CSMD1: variants seen among roughly 807,000 people sequenced by gnomAD.
CSMD1 encodes the protein CUB and sushi domain-containing protein 1.
A neutral mutation model predicts 417.5 loss-of-function variants in CSMD1; 213 were observed. The ratio of observed to expected loss-of-function variants is 0.51; its 90% CI spans 0.46 to 0.57. The LOEUF is 0.57. Ranked by LOEUF, CSMD1 falls within the 20% of genes least tolerant of loss-of-function variation. CSMD1 has a pLI of 0.00. For missense variants in CSMD1, 6,923 were observed against 4,529.7 expected (o/e 1.53, Z -15.17); for synonymous variants, 2,862 against 1,736.8 (o/e 1.65, Z -16.11).
intron 3 of CSMD1, among the ~76,000 whole-genome samples, chr8:4,417,667 C>T (rs1053155192): frequency 2.6e-5 from 4 of 151,882 alleles, no homozygotes; most frequent in Non-Finnish European, 5.9e-5. Flanking sequence ...GATCCGTGGG[C>T]AGTCTCTCCA....
chr8:4,034,561 G>T (rs945661925), intron 3 of CSMD1, among the ~76,000 whole-genome samples: 1 of 152,094 alleles, frequency 6.6e-6, no homozygotes, highest in African/African-American at 2.4e-5. Context: ...CATTTTATCA[G>T]GGCAGCCCTT....
At chr8:4,687,939 C>G (rs1806497592) in intron 1 of CSMD1, among the ~76,000 whole-genome samples, 1 of 152,296 alleles carries the variant, frequency 6.6e-6, no homozygotes, top group Admixed American at 6.5e-5. Context: ...GTTGATCTTT[C>G]ACATCCTAGA....
chr8:3,885,882 T>C (rs1432617000), intron 5 of CSMD1, among the ~76,000 whole-genome samples: 3 of 152,198 alleles, frequency 2.0e-5, no homozygotes, highest in Admixed American at 2.0e-4. Context: ...GCTAAATTTT[T>C]CTAAATAGGA....
In CSMD1 at chr8:2,987,087, G is replaced by A. The variant is rs73179600; in HGVS notation, c.8378-8287C>T. 6.9e-3 allele frequency among the ~76,000 whole-genome samples: 1,041 copies of A among 151,932 alleles called. 12 individuals are homozygous for A. Among genetic ancestry groups the A allele is most frequent in the Non-Finnish European group, 0.012 (797 of 67,916 alleles). On this transcript the variant is annotated intron_variant, in intron 54 of 69. Coordinates refer to ENST00000635120, the MANE Select transcript of CSMD1 (RefSeq NM_033225.6). Reference sequence around the variant, plus strand: ...ACAACTAATTCTTAATGGTCTCTCCGACTATATTATTTCCAGGCTTTGGAT... The same window carrying A: ...ACAACTAATTCTTAATGGTCTCTCCAACTATATTATTTCCAGGCTTTGGAT...
intron 3 of CSMD1, among the ~76,000 whole-genome samples, chr8:4,148,465 A>C (rs1041673358): frequency 1.3e-5 from 2 of 152,050 alleles, no homozygotes; most frequent in South Asian, 2.1e-4. Flanking sequence ...ACATGTATAC[A>C]TATGTAACGA....
At position 3,007,110 on chromosome 8, in the gene CSMD1, A is replaced by G. The variant is rs1391824201; in HGVS notation, c.8030-6979T>C. Among the ~76,000 whole-genome samples the G allele has an allele frequency of 2.2e-3, 329 of 146,286 alleles. 1 individual carries two copies. The highest frequency in any genetic ancestry group is 8.4e-3 in the African/African-American group (310 of 36,722). ...CAAACAACCCCATCAAAAAGTGGGC[A>G]AAGGACATGAACAGACACTTCTCAA... On this transcript the variant is annotated intron_variant, in intron 52 of 69. Coordinates refer to ENST00000635120, the MANE Select transcript of CSMD1 (RefSeq NM_033225.6).
At chr8:3,875,852 T>G (rs1271171028) in intron 5 of CSMD1, among the ~76,000 whole-genome samples, 1 of 152,186 alleles carries the variant, frequency 6.6e-6, no homozygotes, top group Non-Finnish European at 1.5e-5. Flanking sequence ...GGATTGCCTT[T>G]TGGAAACACT....
At chr8:4,434,933 C>G (rs1039958493) in intron 2 of CSMD1, among the ~76,000 whole-genome samples, 2 of 152,274 alleles carry the variant, frequency 1.3e-5, no homozygotes, top group Admixed American at 1.3e-4. Context: ...AAAGTGACAA[C>G]AGATGTTAAA....
intron 6 of CSMD1, among the ~76,000 whole-genome samples, chr8:3,724,980 G>C (rs1169207728): frequency 6.6e-6 from 1 of 152,192 alleles, no homozygotes; most frequent in East Asian, 1.9e-4. Context: ...AACTAGCTTT[G>C]TTTGGTATCC....
chr8:3,213,536 C>G (rs1025202230), intron 30 of CSMD1, among the ~76,000 whole-genome samples: 9 of 152,062 alleles, frequency 5.9e-5, no homozygotes, highest in Middle Eastern at 6.3e-3. Context: ...TCCTTGAAAG[C>G]TGATTCAACG....
At chr8:4,612,856 G>C (rs544162543) in intron 2 of CSMD1, among the ~76,000 whole-genome samples, 1 of 152,288 alleles carries the variant, frequency 6.6e-6, no homozygotes, top group South Asian at 2.1e-4. Flanking sequence ...GCACAAACCT[G>C]AGTGAATCAG....
At chr8:4,250,581 C>G (rs1298493988) in intron 3 of CSMD1, among the ~76,000 whole-genome samples, 3 of 152,136 alleles carry the variant, frequency 2.0e-5, no homozygotes, top group Non-Finnish European at 4.4e-5. Flanking sequence ...TTTTAATAAA[C>G]TCATGTACGA....
At chr8:4,132,831 G>C (rs1585386307) in intron 3 of CSMD1, among the ~76,000 whole-genome samples, 1 of 152,142 alleles carries the variant, frequency 6.6e-6, no homozygotes, top group Admixed American at 6.5e-5. Flanking sequence ...GCAGATGATA[G>C]ACAGTTTGTA....
At chr8:4,294,210 A>G (rs1231184728) in intron 3 of CSMD1, among the ~76,000 whole-genome samples, 1 of 152,196 alleles carries the variant, frequency 6.6e-6, no homozygotes, top group Admixed American at 6.5e-5. Flanking sequence ...GGACACCAAA[A>G]TGCGGGAGAA....
Position 4,912,135 on chromosome 8 carries a change from A to AAAAAAAAAAAAG in CSMD1, c.85+82196_85+82197insCTTTTTTTTTTT, listed in dbSNP as rs765904838. Among the ~76,000 whole-genome samples the AAAAAAAAAAAAG allele has an allele frequency of 2.0e-3, 232 of 115,576 alleles. 4 individuals carry two copies. Among genetic ancestry groups the AAAAAAAAAAAAG allele is most frequent in the Middle Eastern group, 5.1e-3 (1 of 196 alleles). 75.8% of individuals were successfully genotyped at this position (115,576 alleles called of 152,430 possible). A position where few individuals can be genotyped will look rare whatever the true frequency, so the allele number is the denominator to read the frequency against. On this transcript the variant is annotated intron_variant, in intron 1 of 69. Coordinates refer to ENST00000635120, the MANE Select transcript of CSMD1 (RefSeq NM_033225.6). Reference sequence around the variant, plus strand: ...TCAACATAGCTTCAAAAAAAAAAAAAAAAAAAGAAAGAAAGAAAAGAAAAG... The same window carrying AAAAAAAAAAAAG: ...TCAACATAGCTTCAAAAAAAAAAAAAAAAAAAAAAAAGAAAAAAGAAAGAAAGAAAAGAAAAG...
intron 3 of CSMD1, among the ~76,000 whole-genome samples, chr8:4,114,984 C>G (rs994516637): frequency 3.3e-5 from 5 of 152,112 alleles, no homozygotes; most frequent in South Asian, 2.1e-4. Flanking sequence ...AACAAAATAT[C>G]TAGATTATTA....
At chr8:3,278,689 A>C (rs766185266) in intron 26 of CSMD1, 3 of 152,192 alleles carry the variant, frequency 2.0e-5, no homozygotes, top group African/African-American at 7.2e-5. Context: ...AAAGACAAAA[A>C]AATGAGAGAT....
chr8:4,646,136 G>C (rs981411647), intron 1 of CSMD1, among the ~76,000 whole-genome samples: 1 of 152,192 alleles, frequency 6.6e-6, no homozygotes, highest in Non-Finnish European at 1.5e-5. Context: ...AAGTTATTCT[G>C]AAGTCAATGC....
At chr8:4,916,950 A>G (rs1806104623) in intron 1 of CSMD1, among the ~76,000 whole-genome samples, 1 of 152,198 alleles carries the variant, frequency 6.6e-6, no homozygotes, top group African/African-American at 2.4e-5. Flanking sequence ...ACATGTCATT[A>G]GGCATCCGCA....
Sources: allele counts gnomAD v4.1 joint callset (sites outside exome capture counted in the v4.1 genomes callset), GRCh38; gene constraint gnomAD v4.1.1; transcripts MANE v1.5; gene names NCBI Gene and HGNC (gene_info 2026-07-23, HGNC 2026-07-21).